The following TBC1D1 variants were observed in gnomAD, a reference collection of about 807,000 sequenced individuals.
TBC1D1 encodes the protein TBC1 domain family member 1, also known as TBC1 (tre-2/USP6, BUB2, cdc16) domain family, member 1.
In TBC1D1, 89 loss-of-function variants were observed where a neutral mutation model predicts 125.6. The observed-to-expected ratio is 0.71, with a 90% confidence interval of 0.60 to 0.85. The LOEUF is 0.85. Ranked by LOEUF, TBC1D1 falls within the 40% of genes least tolerant of loss-of-function variation. TBC1D1 has a pLI of 0.00. For synonymous variants in TBC1D1, 565 were observed against 564.1 expected (o/e 1.00, Z -0.02); for missense variants, 1,377 against 1,469.2 (o/e 0.94, Z 1.03).
chr4:38,126,253 A>G (rs1433281188), intron 18 of TBC1D1, among the ~76,000 whole-genome samples: 2 of 152,278 alleles, frequency 1.3e-5, no homozygotes, highest in African/African-American at 2.4e-5. Flanking sequence ...TTATGGGACC[A>G]CCATCATATA....
At chr4:38,021,832 A>T in intron 6 of TBC1D1, 114 bp downstream of exon 6, 1 of 1,219,778 alleles carries the variant, frequency 8.2e-7, no homozygotes, top group Non-Finnish European at 1.1e-6. Context: ...TGTATTAGTC[A>T]CAGGGATTGT....
rs1742371461 is a variant in TBC1D1, at chr4:38,014,959, A to G, written c.868A>G (p.Thr290Ala). The G allele has an allele frequency of 4.5e-6, 7 of 1,543,480 alleles. No homozygotes were observed. In the Middle Eastern group the frequency reaches 5.2e-4, roughly 115 times the overall value. The change falls in exon 3 of 20, where the codon ACT becomes GCT. Residue 290 changes from threonine to alanine, a missense_variant. Physicochemically the swap from Thr to Ala is moderately conservative, Grantham distance 58. This residue lies in a region of TBC1D1 where 822 missense variants were observed against 824.6 expected (regional missense o/e 1.00). Coordinates refer to ENST00000261439, the MANE Select transcript of TBC1D1 (RefSeq NM_015173.4). This position sits in a 1 kb window ranked among gnomAD's most constrained non-coding sequence, Gnocchi z 5.1. ...GCCCACAGATATCGAGGAAAATCGA[A>G]CTATGCTCTTCACGGTAAAATATCA...
intron 2 of TBC1D1, among the ~76,000 whole-genome samples, chr4:37,935,499 G>T (rs1456677800): frequency 6.6e-6 from 1 of 152,098 alleles, no homozygotes; most frequent in Non-Finnish European, 1.5e-5. Context: ...CTTCTTGATT[G>T]TATTCAATAA....
intron 13 of TBC1D1, 76 bp from the exon 16 acceptor site, chr4:38,095,853 G>A (rs1257832731): frequency 2.1e-6 from 3 of 1,451,968 alleles, no homozygotes; most frequent in Non-Finnish European, 1.9e-6. Context: ...GGGATAACAA[G>A]TAGGCAGCCA....
At chr4:37,913,916 T>G (rs575426723) in intron 2 of TBC1D1, among the ~76,000 whole-genome samples, 1 of 152,232 alleles carries the variant, frequency 6.6e-6, no homozygotes, top group South Asian at 2.1e-4. Flanking sequence ...CTTTTCTTAC[T>G]CAACTTCTCA....
intron 2 of TBC1D1, among the ~76,000 whole-genome samples, chr4:37,946,163 C>G (rs1726653102): frequency 6.6e-6 from 1 of 152,216 alleles, no homozygotes. Flanking sequence ...ACTGTCTTGA[C>G]TGTCATACAA....
chr4:37,933,669 G>A (rs1293145895), intron 2 of TBC1D1, among the ~76,000 whole-genome samples: 1 of 152,140 alleles, frequency 6.6e-6, no homozygotes, highest in African/African-American at 2.4e-5. Context: ...ACTATGAGTA[G>A]CTACCATTGT....
chr4:37,988,322 A>C (rs1174965140), intron 2 of TBC1D1, among the ~76,000 whole-genome samples: 1 of 152,198 alleles, frequency 6.6e-6, no homozygotes, highest in African/African-American at 2.4e-5. Flanking sequence ...AGTCAAGCCA[A>C]CTATCTTAGA....
At chr4:38,103,389 G>C (rs981291047) in intron 15 of TBC1D1, among the ~76,000 whole-genome samples, 1 of 152,220 alleles carries the variant, frequency 6.6e-6, no homozygotes, top group Non-Finnish European at 1.5e-5. Context: ...CATGGAGGGA[G>C]GGTGTTCATT....
chr4:38,102,335 C>G (rs1450210767), intron 14 of TBC1D1, among the ~76,000 whole-genome samples: 1 of 151,942 alleles, frequency 6.6e-6, no homozygotes, highest in Non-Finnish European at 1.5e-5. Flanking sequence ...TCACATCTTA[C>G]ATGACAATTT....
intron 2 of TBC1D1, among the ~76,000 whole-genome samples, chr4:37,932,474 T>A (rs1479707059): frequency 6.6e-6 from 1 of 152,202 alleles, no homozygotes; most frequent in Non-Finnish European, 1.5e-5. Context: ...AAATTTAAAG[T>A]GCACATTCTA....
intron 2 of TBC1D1, among the ~76,000 whole-genome samples, chr4:37,974,334 G>T (rs1732628274): frequency 6.6e-6 from 1 of 151,976 alleles, no homozygotes; most frequent in Non-Finnish European, 1.5e-5. Context: ...GGGCTCAAAT[G>T]ATCTTCCCAC....
intron 1 of TBC1D1, among the ~76,000 whole-genome samples, chr4:37,901,008 G>T (rs1715855313): frequency 6.6e-6 from 1 of 151,358 alleles, no homozygotes; most frequent in African/African-American, 2.4e-5. Flanking sequence ...GGGGGTGGAG[G>T]TTGCAGTGAG....
At chr4:38,007,037 G>T in intron 2 of TBC1D1, 2 of 393,464 alleles carry the variant, frequency 5.1e-6, no homozygotes, top group South Asian at 4.5e-5. Context: ...CAGTCGGCCT[G>T]GCGACTTCAC....
In TBC1D1 at chr4:38,014,743, C is replaced by A; in HGVS notation, c.652C>A (p.His218Asn). 4 of 1,609,910 alleles carry A rather than the reference C, an allele frequency of 2.5e-6. No individual in the cohort carries two copies. In the South Asian group the frequency reaches 4.4e-5, roughly 18 times the overall value. ...CGAGAGCCCCCGCCCCAACCCGCCC[C>A]ATGCCGCGCCCACAGGGAGCCAGGA... The change falls in exon 3 of 20, where the codon CAT becomes AAT. Residue 218 changes from histidine to asparagine, a missense_variant. By Grantham distance (68) the His-to-Asn change is moderately conservative. Coordinates refer to ENST00000261439, the MANE Select transcript of TBC1D1 (RefSeq NM_015173.4). The surrounding 1 kb of genome is among the most constrained non-coding windows in gnomAD (Gnocchi z 5.1).
chr4:38,056,045 G>A (rs1172119531), intron 12 of TBC1D1, among the ~76,000 whole-genome samples: 1 of 152,260 alleles, frequency 6.6e-6, no homozygotes, highest in Non-Finnish European at 1.5e-5. Context: ...AGGGGCCACA[G>A]ATGACTGCTT....
intron 15 of TBC1D1, among the ~76,000 whole-genome samples, chr4:38,113,049 A>G (rs2152569783): frequency 6.6e-6 from 1 of 152,282 alleles, no homozygotes; most frequent in South Asian, 2.1e-4. Flanking sequence ...ACTCGGTAGC[A>G]AGGCTGGGAG....
chr4:38,132,355 T>C (rs1284178429), intron 18 of TBC1D1, among the ~76,000 whole-genome samples: 3 of 152,176 alleles, frequency 2.0e-5, no homozygotes, highest in Non-Finnish European at 2.9e-5. Flanking sequence ...AGCAGCTGTC[T>C]TCTGATTCTG....
At chr4:38,024,938 C>T (rs1012558867) in intron 6 of TBC1D1, among the ~76,000 whole-genome samples, 5 of 152,176 alleles carry the variant, frequency 3.3e-5, no homozygotes, top group Non-Finnish European at 5.9e-5. Flanking sequence ...GAATCAATAA[C>T]GCTGTTGATG....
Sources: allele counts gnomAD v4.1 joint callset (sites outside exome capture counted in the v4.1 genomes callset), GRCh38; gene constraint gnomAD v4.1.1; regional missense constraint gnomAD v4.1.1; non-coding constraint Gnocchi (gnomAD v3.1); transcripts MANE v1.5; gene names NCBI Gene and HGNC (gene_info 2026-07-23, HGNC 2026-07-21).